CSMD1: variants seen among roughly 807,000 people sequenced by gnomAD.
CSMD1 encodes the protein CUB and Sushi multiple domains 1.
A neutral mutation model predicts 417.5 loss-of-function variants in CSMD1; 213 were observed. The observed-to-expected ratio is 0.51, with a 90% CI of 0.46 to 0.57. The LOEUF (loss-of-function observed/expected upper bound fraction) is 0.57, where lower values mean the gene tolerates loss of function less well. Ranked by LOEUF, CSMD1 falls within the 20% of genes least tolerant of loss-of-function variation. The pLI is 0.00. For missense variants in CSMD1, 6,923 were observed against 4,529.7 expected, an observed-to-expected ratio of 1.53 and a Z score of -15.17; for synonymous variants, 2,862 against 1,736.8, an observed-to-expected ratio of 1.65 and a Z score of -16.11.
intron 57 of CSMD1, among the ~76,000 whole-genome samples, chr8:2,967,436 A>G (rs570420345): frequency 5.3e-5 from 8 of 152,338 alleles, no homozygotes; most frequent in African/African-American, 1.9e-4. Flanking sequence ...CAACAGGTCT[A>G]CACTCTGTGC....
intron 2 of CSMD1, among the ~76,000 whole-genome samples, chr8:4,453,134 C>G (rs13253098): frequency 6.6e-6 from 1 of 151,766 alleles, no homozygotes; most frequent in African/African-American, 2.4e-5. Flanking sequence ...ACACATGTGT[C>G]ACCAATTTGA....
chr8:4,756,995 T>C (rs961352609), intron 1 of CSMD1, among the ~76,000 whole-genome samples: 2 of 152,104 alleles, frequency 1.3e-5, no homozygotes, highest in Admixed American at 1.3e-4. Flanking sequence ...AGATATAGAA[T>C]ATATTTAGAT....
intron 25 of CSMD1, among the ~76,000 whole-genome samples, chr8:3,293,596 C>T (rs1260865996): frequency 6.6e-6 from 1 of 152,134 alleles, no homozygotes; most frequent in Non-Finnish European, 1.5e-5. Flanking sequence ...ATCACTGATA[C>T]CTTGTCTTCC....
At chr8:3,674,060 A>G (rs55932304) in intron 7 of CSMD1, among the ~76,000 whole-genome samples, 21,063 of 152,142 alleles carry the variant, frequency 0.14, 1,638 homozygotes, top group South Asian at 0.21. Context: ...GAGCCATGAT[A>G]ATGTCATTGC....
intron 3 of CSMD1, among the ~76,000 whole-genome samples, chr8:4,139,003 A>C (rs1803610028): frequency 6.6e-6 from 1 of 152,136 alleles, no homozygotes. Context: ...CTGTACGGCC[A>C]CATGCAGAAA....
At chr8:3,795,481 GATAT>G (rs1563087852) in intron 5 of CSMD1, among the ~76,000 whole-genome samples, 76 of 6,130 alleles carry the variant, frequency 0.012, 37 homozygotes, top group African/African-American at 0.045. Context: ...CATAGATATA[GATAT>G]ATATCTATCA....
intron 3 of CSMD1, among the ~76,000 whole-genome samples, chr8:4,295,534 A>G (rs1453833197): frequency 6.9e-6 from 1 of 144,772 alleles, no homozygotes; most frequent in African/African-American, 2.5e-5. Flanking sequence ...TATTACATAT[A>G]TTATAAATAT....
intron 3 of CSMD1, among the ~76,000 whole-genome samples, chr8:4,186,935 G>A (rs565767022): frequency 6.6e-6 from 1 of 152,058 alleles, no homozygotes; most frequent in African/African-American, 2.4e-5. Flanking sequence ...GGCAGAGATT[G>A]CAGTGAGCTG....
intron 5 of CSMD1, among the ~76,000 whole-genome samples, chr8:3,779,560 T>C (rs1021565171): frequency 2.6e-5 from 4 of 152,228 alleles, no homozygotes; most frequent in African/African-American, 7.2e-5. Context: ...CAGTGAATTA[T>C]GCTCAAATAT....
chr8:3,250,793 T>G (rs1234205471), intron 26 of CSMD1, among the ~76,000 whole-genome samples: 1 of 152,230 alleles, frequency 6.6e-6, no homozygotes, highest in African/African-American at 2.4e-5. Flanking sequence ...TGGTTTTGAT[T>G]TGCATTTCTC....
At chr8:3,132,927 G>A (rs1263965611) in intron 41 of CSMD1, among the ~76,000 whole-genome samples, 4 of 152,178 alleles carry the variant, frequency 2.6e-5, no homozygotes, top group Admixed American at 2.0e-4. Flanking sequence ...ATATCTAAGT[G>A]GGAAGACCCT....
intron 1 of CSMD1, among the ~76,000 whole-genome samples, chr8:4,741,125 T>C (rs1415876846): frequency 1.3e-5 from 2 of 152,274 alleles, no homozygotes; most frequent in South Asian, 2.1e-4. Flanking sequence ...TCTCCTCTTT[T>C]CCAGAGCAAA....
chr8:4,502,190 C>A (rs1159884062), intron 2 of CSMD1, among the ~76,000 whole-genome samples: 1 of 151,972 alleles, frequency 6.6e-6, no homozygotes, highest in South Asian at 2.1e-4. Context: ...TTCTTATGAA[C>A]AGAAACATTT....
intron 5 of CSMD1, among the ~76,000 whole-genome samples, chr8:3,896,428 G>C (rs1364304594): frequency 6.6e-6 from 1 of 152,170 alleles, no homozygotes; most frequent in Non-Finnish European, 1.5e-5. Flanking sequence ...TACATGTAAT[G>C]TCTCCAAAAC....
At chr8:3,995,003 G>C (rs1013530042) in intron 5 of CSMD1, among the ~76,000 whole-genome samples, 2 of 152,252 alleles carry the variant, frequency 1.3e-5, no homozygotes, top group African/African-American at 2.4e-5. Flanking sequence ...CTTGGGAAGA[G>C]GTCGCAGCAC....
chr8:3,374,124 T>C (rs112079442), intron 18 of CSMD1, among the ~76,000 whole-genome samples: 21,932 of 151,958 alleles, frequency 0.14, 1,709 homozygotes, highest in Middle Eastern at 0.23. Flanking sequence ...AGCTAATTTT[T>C]TGTATTTTTA....
chr8:3,305,929 C>T (rs567394734), intron 25 of CSMD1, among the ~76,000 whole-genome samples: 1 of 152,130 alleles, frequency 6.6e-6, no homozygotes, highest in Non-Finnish European at 1.5e-5. Flanking sequence ...ATTTGCCTGC[C>T]TTGGCCTCCC....
At chr8:3,737,515 C>T (rs1397083472) in intron 6 of CSMD1, among the ~76,000 whole-genome samples, 1 of 152,182 alleles carries the variant, frequency 6.6e-6, no homozygotes, top group Non-Finnish European at 1.5e-5. Flanking sequence ...ACATTTTTTA[C>T]TTACACTGTT....
At chr8:3,751,146 G>A (rs62481008) in intron 6 of CSMD1, among the ~76,000 whole-genome samples, 2 of 152,070 alleles carry the variant, frequency 1.3e-5, no homozygotes, top group African/African-American at 4.8e-5. Context: ...GTACCGTGTT[G>A]TCTTGGAGCT....
Sources: allele counts gnomAD v4.1 joint callset (sites outside exome capture counted in the v4.1 genomes callset), GRCh38; gene constraint gnomAD v4.1.1; transcripts MANE v1.5; gene names NCBI Gene and HGNC (gene_info 2026-07-23, HGNC 2026-07-21).